Variants in RASGEF1C observed in about 807,000 individuals in gnomAD.
RASGEF1C encodes ras-GEF domain-containing family member 1C.
In RASGEF1C, 27 loss-of-function variants were observed where a neutral mutation model predicts 58.1. The observed-to-expected ratio is 0.46, with a 90% CI of 0.34 to 0.64. The LOEUF (loss-of-function observed/expected upper bound fraction) is 0.64, where lower values mean the gene tolerates loss of function less well. RASGEF1C is among the 30% of genes least tolerant of loss of function. The pLI, the probability that RASGEF1C is intolerant of heterozygous loss-of-function variation, is 0.01. For synonymous variants in RASGEF1C, 243 were observed against 246.3 expected (o/e 0.99, Z 0.13); for missense variants, 502 against 605.1 (o/e 0.83, Z 1.79).
chr5:180,171,337 A>C (rs997033958), intron 1 of RASGEF1C, among the ~76,000 whole-genome samples: 11 of 152,020 alleles, frequency 7.2e-5, no homozygotes, highest in African/African-American at 2.7e-4. Flanking sequence ...CCACAGCAGC[A>C]GCCTCGTGTT....
chr5:180,126,500 C>T (rs984371278), intron 6 of RASGEF1C, among the ~76,000 whole-genome samples: 7 of 152,194 alleles, frequency 4.6e-5, no homozygotes, highest in African/African-American at 1.7e-4. Context: ...AGAGTGCTGA[C>T]GGACACAGGC....
At chr5:180,112,633 C>T (rs1432313095) in intron 11 of RASGEF1C, among the ~76,000 whole-genome samples, 1 of 152,210 alleles carries the variant, frequency 6.6e-6, no homozygotes, top group Non-Finnish European at 1.5e-5. Context: ...GGCTGGCTCT[C>T]AGTGGGAGAA....
At chr5:180,157,049 C>A (rs1766862745) in intron 1 of RASGEF1C, among the ~76,000 whole-genome samples, 1 of 152,222 alleles carries the variant, frequency 6.6e-6, no homozygotes, top group African/African-American at 2.4e-5. Context: ...AGCAGGAATT[C>A]TCATCATTGC....
At chr5:180,204,091 A>C (rs1469576561) in intron 1 of RASGEF1C, among the ~76,000 whole-genome samples, 1 of 152,230 alleles carries the variant, frequency 6.6e-6, no homozygotes, top group Admixed American at 6.5e-5. Flanking sequence ...GGGGGTCAGC[A>C]TCCCTAACCT....
intron 1 of RASGEF1C, among the ~76,000 whole-genome samples, chr5:180,142,500 G>C (rs1439070591): frequency 6.6e-6 from 1 of 152,174 alleles, no homozygotes; most frequent in Non-Finnish European, 1.5e-5. Context: ...ACAAGCTGTG[G>C]AAAGAAAGGC....
chr5:180,149,077 T>C (rs1766704964), intron 1 of RASGEF1C, among the ~76,000 whole-genome samples: 2 of 102,670 alleles, frequency 1.9e-5, no homozygotes, highest in Non-Finnish European at 3.8e-5. Context: ...CTTTTTCTTT[T>C]CTTTTTTTTT....
At chr5:180,113,704 T>G (rs1180042824) in intron 11 of RASGEF1C, among the ~76,000 whole-genome samples, 1 of 94,920 alleles carries the variant, frequency 1.1e-5, no homozygotes, top group Non-Finnish European at 2.1e-5. Context: ...GACGGAGGGA[T>G]CGGGGATGGA....
intron 1 of RASGEF1C, among the ~76,000 whole-genome samples, chr5:180,190,182 C>T (rs1013788370): frequency 1.3e-5 from 2 of 151,790 alleles, no homozygotes; most frequent in Non-Finnish European, 2.9e-5. Flanking sequence ...CAGTGAGAAT[C>T]TGTCTCTACA....
In RASGEF1C at chr5:180,181,953, T is replaced by C. The variant is rs536504636; in HGVS notation, c.-7+27075A>G. On this transcript the variant is annotated intron_variant, in intron 1 of 13. Transcript: ENST00000361132. ...GCGCAGTGGCTCACGCCTGTAATCC[T>C]AGCACTTTGGGAGGCCGAGACGGGC... 2.2e-3 allele frequency among the ~76,000 whole-genome samples: 329 copies of C among 151,090 alleles called. 1 individual carries two copies. Among genetic ancestry groups the C allele is most frequent in the South Asian group, 5.3e-3 (25 of 4,736 alleles).
intron 1 of RASGEF1C, among the ~76,000 whole-genome samples, chr5:180,157,208 A>T (rs370117234): frequency 6.6e-6 from 1 of 152,252 alleles, no homozygotes; most frequent in South Asian, 2.1e-4. Context: ...ATAAAAACCT[A>T]CACACAGGTG....
At chr5:180,160,200 C>T (rs1197432716) in intron 1 of RASGEF1C, among the ~76,000 whole-genome samples, 1 of 152,196 alleles carries the variant, frequency 6.6e-6, no homozygotes, top group Non-Finnish European at 1.5e-5. Context: ...TAGAGCGCCC[C>T]TCCCAAGCCC....
intron 1 of RASGEF1C, among the ~76,000 whole-genome samples, chr5:180,160,420 C>G (rs1310223245): frequency 6.6e-6 from 1 of 152,342 alleles, no homozygotes; most frequent in Non-Finnish European, 1.5e-5. Flanking sequence ...AAGAGGTGGG[C>G]TCCACGCTGC....
At chr5:180,103,135 T>C (rs1019738035) in intron 12 of RASGEF1C, among the ~76,000 whole-genome samples, 1 of 152,232 alleles carries the variant, frequency 6.6e-6, no homozygotes, top group Non-Finnish European at 1.5e-5. Context: ...TGGAGTGCAG[T>C]GGCGCGATCT....
At chr5:180,147,263 T>C (rs1766672490) in intron 1 of RASGEF1C, among the ~76,000 whole-genome samples, 1 of 18,408 alleles carries the variant, frequency 5.4e-5, no homozygotes, top group South Asian at 0.083. Context: ...CTTTAGGCTT[T>C]TTAAATTTTT....
At chr5:180,187,969 C>G (rs1756071445) in intron 1 of RASGEF1C, among the ~76,000 whole-genome samples, 1 of 152,212 alleles carries the variant, frequency 6.6e-6, no homozygotes, top group South Asian at 2.1e-4. Context: ...CCCAGCAATT[C>G]CACTCCCAGT....
At chr5:180,130,156 C>A (rs11249671) in intron 4 of RASGEF1C, among the ~76,000 whole-genome samples, 73,110 of 152,052 alleles carry the variant, frequency 0.48, 17,622 homozygotes, top group South Asian at 0.54. Flanking sequence ...GAAATGACCC[C>A]ATTGTCTCGA....
chr5:180,150,897 T>C (rs989927080), intron 1 of RASGEF1C, among the ~76,000 whole-genome samples: 8 of 151,520 alleles, frequency 5.3e-5, no homozygotes, highest in African/African-American at 1.7e-4. Context: ...TGTGCAAAAA[T>C]CACAAGCATT....
intron 1 of RASGEF1C, among the ~76,000 whole-genome samples, chr5:180,152,911 CAAAAAAAAAAAAAAAAAAAAAAAGTTA>C (rs1162744879): frequency 1.4e-5 from 1 of 71,704 alleles, no homozygotes; most frequent in African/African-American, 5.3e-5. Flanking sequence ...AACCCCATCT[CAAAAAAAAAAAAAAAAAAAAAAAGTTA>C]TAGGTTGCCT....
intron 4 of RASGEF1C, among the ~76,000 whole-genome samples, 195 bp from the exon 5 acceptor site, chr5:180,128,805 C>T (rs1488195312): frequency 6.6e-6 from 1 of 152,210 alleles, no homozygotes; most frequent in Non-Finnish European, 1.5e-5. Context: ...AGGGTGGGGC[C>T]ACCTGGCAAG....
Sources: allele counts gnomAD v4.1 joint callset (sites outside exome capture counted in the v4.1 genomes callset), GRCh38; gene constraint gnomAD v4.1.1; transcripts MANE v1.5; gene names NCBI Gene and HGNC (gene_info 2026-07-23, HGNC 2026-07-21).